GRIA1: variants seen among roughly 807,000 people sequenced by gnomAD.
The protein encoded by GRIA1 is glutamate ionotropic receptor AMPA type subunit 1.
GRIA1 carries 31 observed loss-of-function variants against 99.2 expected under a neutral mutation model. That is an observed-to-expected ratio of 0.31 (90% CI 0.23 to 0.42). The LOEUF is 0.42. Ranked by LOEUF, GRIA1 falls within the 10% of genes least tolerant of loss-of-function variation. The pLI is 1.00. For missense variants in GRIA1, 782 were observed against 1,157.5 expected (o/e 0.68, Z 4.71); for synonymous variants, 438 against 432.4 (o/e 1.01, Z -0.16).
At chr5:153,622,906 G>A (rs1767198671) in intron 2 of GRIA1, among the ~76,000 whole-genome samples, 1 of 152,150 alleles carries the variant, frequency 6.6e-6, no homozygotes, top group South Asian at 2.1e-4. Context: ...CCTAGATGCG[G>A]CACCTACACT....
chr5:153,716,998 G>A (rs1759709309), intron 11 of GRIA1, among the ~76,000 whole-genome samples: 3 of 152,202 alleles, frequency 2.0e-5, no homozygotes, highest in Admixed American at 6.5e-5. Context: ...AGCCCATCAT[G>A]CCAAAGGAAC....
intron 2 of GRIA1, among the ~76,000 whole-genome samples, chr5:153,577,346 G>A (rs902417383): frequency 2.0e-5 from 3 of 152,158 alleles, no homozygotes; most frequent in Admixed American, 2.0e-4. Context: ...TTTATCTCTG[G>A]GATGCCCTGG....
At position 153,698,077 on chromosome 5, in the gene GRIA1, C is replaced by T. The variant is rs1466847589; in HGVS notation, c.1168C>T (p.Pro390Ser). 3.1e-6 allele frequency: 5 copies of T among 1,609,456 alleles called. No homozygotes were observed. Among genetic ancestry groups the T allele is most frequent in the African/African-American group, 1.3e-5 (1 of 74,776 alleles). The stretch of plus-strand genomic sequence containing the variant: ...CTGGAATGAAGATGATAAGTTTGTC[C>T]CTGCAGCCACCGATGCCCAAGCTGG... Reference protein sequence around the residue: ...GYWNEDDKFVPAATDAQAGGD... With the variant: ...GYWNEDDKFVSAATDAQAGGD... The change falls in exon 9 of 16, where the codon CCT (proline) becomes TCT (serine). Residue 390 changes from proline (P) to serine (S), a missense_variant. Pro to Ser is a moderately conservative substitution (Grantham distance 74, BLOSUM62 -1). Transcript: ENST00000285900.
intron 4 of GRIA1, among the ~76,000 whole-genome samples, chr5:153,653,362 A>T (rs1480560525): frequency 6.6e-6 from 1 of 152,176 alleles, no homozygotes; most frequent in East Asian, 1.9e-4. Flanking sequence ...TGAGTGATGG[A>T]TGCTGAGCGT....
intron 2 of GRIA1, among the ~76,000 whole-genome samples, chr5:153,621,428 C>T (rs998412776): frequency 1.4e-5 from 2 of 143,730 alleles, no homozygotes; most frequent in Admixed American, 6.9e-5. Context: ...ACAGTGAGAC[C>T]CTATCTTTAC....
chr5:153,668,480 A>G (rs1302095877), intron 5 of GRIA1, among the ~76,000 whole-genome samples: 1 of 152,212 alleles, frequency 6.6e-6, no homozygotes, highest in Non-Finnish European at 1.5e-5. Flanking sequence ...ACCATGCCCA[A>G]AAATATTGGG....
upstream of GRIA1, chr5:153,489,863 C>T (rs1417203246): frequency 6.6e-6 from 3 of 456,454 alleles, no homozygotes; most frequent in Admixed American, 7.0e-5. Context: ...CTTTATTGTA[C>T]ACCCACACGA....
chr5:153,666,448 G>A (rs1036846035), intron 5 of GRIA1, among the ~76,000 whole-genome samples: 1 of 152,162 alleles, frequency 6.6e-6, no homozygotes, highest in Non-Finnish European at 1.5e-5. Flanking sequence ...TCTCATGGAA[G>A]CCTGATACTT....
At chr5:153,589,918 C>T (rs907373192) in intron 2 of GRIA1, among the ~76,000 whole-genome samples, 5 of 152,124 alleles carry the variant, frequency 3.3e-5, no homozygotes, top group African/African-American at 1.2e-4. Flanking sequence ...GCTGAGCTCA[C>T]AGAATCAATG....
intron 8 of GRIA1, 44 bp from the exon 9 acceptor site, chr5:153,698,000 G>C (rs1406115368): frequency 1.9e-6 from 2 of 1,065,260 alleles, no homozygotes; most frequent in Non-Finnish European, 2.9e-6. Flanking sequence ...CCAGTTCAGA[G>C]GAGGCTGGCC....
intron 2 of GRIA1, among the ~76,000 whole-genome samples, chr5:153,540,722 G>T (rs941553218): frequency 2.6e-5 from 4 of 152,150 alleles, no homozygotes; most frequent in Non-Finnish European, 4.4e-5. Context: ...AAGTGCTTTA[G>T]AGGGAAAGAA....
chr5:153,510,167 T>C (rs1755922312), intron 2 of GRIA1, among the ~76,000 whole-genome samples: 2 of 152,192 alleles, frequency 1.3e-5, no homozygotes, highest in Non-Finnish European at 2.9e-5. Flanking sequence ...CCTGCACTTA[T>C]TTGGGAGCGA....
intron 2 of GRIA1, among the ~76,000 whole-genome samples, chr5:153,633,722 C>T (rs1243090243): frequency 6.6e-6 from 1 of 152,028 alleles, no homozygotes; most frequent in Non-Finnish European, 1.5e-5. Context: ...GAAATAACTC[C>T]CAAAGAGGAG....
intron 13 of GRIA1, among the ~76,000 whole-genome samples, chr5:153,788,732 T>C (rs1405708776): frequency 6.6e-6 from 1 of 152,232 alleles, no homozygotes; most frequent in Admixed American, 6.5e-5. Flanking sequence ...GTCTTATGCA[T>C]TAGTACATAC....
chr5:153,782,497 C>G (rs967648586), intron 13 of GRIA1, among the ~76,000 whole-genome samples: 2 of 152,114 alleles, frequency 1.3e-5, no homozygotes, highest in Admixed American at 1.3e-4. Flanking sequence ...CTAGAAATCT[C>G]AATTTTTATA....
At chr5:153,805,342 A>G (rs1332832847) in intron 15 of GRIA1, among the ~76,000 whole-genome samples, 1 of 152,168 alleles carries the variant, frequency 6.6e-6, no homozygotes, top group Non-Finnish European at 1.5e-5. Flanking sequence ...TTGTGTGGAC[A>G]TCCCACACAC....
At chr5:153,701,397 G>A (rs996172427) in intron 10 of GRIA1, among the ~76,000 whole-genome samples, 4 of 151,860 alleles carry the variant, frequency 2.6e-5, no homozygotes, top group Non-Finnish European at 5.9e-5. Context: ...GGTGGATCAC[G>A]AGGTCAGGAG....
chr5:153,561,191 T>G (rs1761094877), intron 2 of GRIA1, among the ~76,000 whole-genome samples: 1 of 152,160 alleles, frequency 6.6e-6, no homozygotes, highest in Admixed American at 6.5e-5. Flanking sequence ...TCGGGGGTCA[T>G]GATAGCTACA....
intron 2 of GRIA1, among the ~76,000 whole-genome samples, chr5:153,513,555 G>GA (rs1581157114): frequency 6.6e-6 from 1 of 152,074 alleles, no homozygotes; most frequent in East Asian, 1.9e-4. Context: ...GAAGTCCAGA[G>GA]AAAAAAATGG....
Sources: allele counts gnomAD v4.1 joint callset (sites outside exome capture counted in the v4.1 genomes callset), GRCh38; gene constraint gnomAD v4.1.1; transcripts MANE v1.5; gene names NCBI Gene and HGNC (gene_info 2026-07-23, HGNC 2026-07-21).